Variants in KLF7 observed in about 807,000 individuals in gnomAD.
KLF7 encodes the protein KLF transcription factor 7.
KLF7 carries 2 observed loss-of-function variants against 27.3 expected under a neutral mutation model. The ratio of observed to expected loss-of-function variants is 0.07; its 90% confidence interval spans 0.03 to 0.23. The LOEUF (loss-of-function observed/expected upper bound fraction) is 0.23, where lower values mean the gene tolerates loss of function less well. Ranked by LOEUF, KLF7 falls within the 10% of genes least tolerant of loss-of-function variation. The probability of loss-of-function intolerance (pLI) is 1.00; values close to 1 mark genes in which losing one functional copy is unlikely to be tolerated. For missense variants in KLF7, 221 were observed against 394.1 expected, an observed-to-expected ratio of 0.56 and a Z score of 3.72; for synonymous variants, 165 against 162.4, an observed-to-expected ratio of 1.02 and a Z score of -0.12.
At chr2:207,161,210 G>A (rs899502467) in intron 1 of KLF7, among the ~76,000 whole-genome samples, 2 of 152,164 alleles carry the variant, frequency 1.3e-5, no homozygotes, top group African/African-American at 4.8e-5. Flanking sequence ...TTCATTTGTA[G>A]AGTTACATCT....
intron 1 of KLF7, among the ~76,000 whole-genome samples, chr2:207,164,454 G>GC (rs753945522): frequency 0.014 from 1,168 of 81,118 alleles, 17 homozygotes; most frequent in African/African-American, 0.051. Flanking sequence ...GTGTCCCCCC[G>GC]CCCCCACCCA....
chr2:207,161,980 G>A lies in KLF7; in HGVS notation c.102+3487C>T, dbSNP rs1380860361. The stretch of plus-strand genomic sequence containing the variant: ...TCCATAAGACTTTTCAAGCAAACAT[G>A]CGATGCTCCTCAATGACACGACGCA... On this transcript the variant is annotated intron_variant, in intron 1 of 3. Coordinates refer to ENST00000309446, the MANE Select transcript of KLF7 (RefSeq NM_003709.4). Among the ~76,000 whole-genome samples the A allele has an allele frequency of 2.6e-5, 4 of 152,124 alleles. No individual in the cohort carries two copies. In the East Asian group the frequency reaches 7.7e-4, roughly 29 times the overall value.
Position 207,124,141 on chromosome 2 carries a change from G to A in KLF7, c.366C>T (p.Tyr122=), listed in dbSNP as rs748488506. 2 of 1,614,220 alleles carry A rather than the reference G, an allele frequency of 1.2e-6. No individual in the cohort carries two copies. The highest frequency in any genetic ancestry group is 1.7e-6 in the Non-Finnish European group (2 of 1,180,038). The change falls in exon 2 of 4, where the codon TAC becomes TAT. Residue 122 remains tyrosine (Y), a synonymous_variant. Coordinates refer to ENST00000309446, the MANE Select transcript of KLF7 (RefSeq NM_003709.4). The stretch of plus-strand genomic sequence containing the variant: ...TGAGCTGGGCCTGGTTGACGGCTGT[G>A]TAGCTGTCTAGAGAAGAGCTGGCCG... ...LQPASSSLDS[Y]TAVNQAQLNA... is the part of the protein sequence containing the mutation.
At chr2:207,171,473 T>C (rs1042945858), upstream of KLF7, among the ~76,000 whole-genome samples, 1 of 152,204 alleles carries the variant, frequency 6.6e-6, no homozygotes, top group Non-Finnish European at 1.5e-5. Flanking sequence ...TTTGGTAACA[T>C]GCTATCAAAC....
chr2:207,143,394 T>C (rs2077998976), intron 1 of KLF7, among the ~76,000 whole-genome samples: 1 of 110,166 alleles, frequency 9.1e-6, no homozygotes, highest in Non-Finnish European at 1.9e-5. Context: ...AGAAATGACA[T>C]GAAAAAAAAA....
chr2:207,090,818 T>A (rs557732327), intron 2 of KLF7, among the ~76,000 whole-genome samples: 3 of 152,198 alleles, frequency 2.0e-5, no homozygotes, highest in African/African-American at 7.2e-5. Flanking sequence ...AGAGACATGT[T>A]AGCATCATGT....
intron 2 of KLF7, among the ~76,000 whole-genome samples, chr2:207,093,292 A>G (rs1021845051): frequency 1.3e-5 from 2 of 152,220 alleles, no homozygotes; most frequent in East Asian, 1.9e-4. Flanking sequence ...TCAGAAAAAA[A>G]GTCAAAAGCC....
At chr2:207,094,028 C>T (rs1422051527) in intron 2 of KLF7, among the ~76,000 whole-genome samples, 1 of 152,170 alleles carries the variant, frequency 6.6e-6, no homozygotes, top group Non-Finnish European at 1.5e-5. Context: ...GAGCAATATC[C>T]CCTCTGGGAA....
intron 2 of KLF7, among the ~76,000 whole-genome samples, chr2:207,092,432 C>A (rs2076532669): frequency 1.3e-5 from 2 of 152,212 alleles, no homozygotes; most frequent in Admixed American, 6.5e-5. Context: ...GAACCACTTT[C>A]TCTGTCTGGC....
At chr2:207,171,560 G>C (rs1310669561), upstream of KLF7, among the ~76,000 whole-genome samples, 3 of 152,130 alleles carry the variant, frequency 2.0e-5, no homozygotes, top group African/African-American at 4.8e-5. Flanking sequence ...CTTTTTCTAA[G>C]AAATTGCCAC....
In KLF7 at chr2:207,113,619, G is replaced by A. The variant is rs976399966; in HGVS notation, c.733+10155C>T. 1.1e-4 allele frequency among the ~76,000 whole-genome samples: 14 copies of A among 125,830 alleles called. 1 individual carries two copies. The highest frequency in any genetic ancestry group is 3.2e-4 in the Admixed American group (4 of 12,560). 82.5% of individuals were successfully genotyped at this position (125,830 alleles called of 152,430 possible). A position where few individuals can be genotyped will look rare whatever the true frequency, so the allele number is the denominator to read the frequency against. On this transcript the variant is annotated intron_variant, in intron 2 of 3. Transcript: ENST00000309446. Reference sequence around the variant, plus strand: ...GTGGAATGGGGGGTGGGGGGGGGGGGGAAATGATGCAGTTACCTAGCAACC... The same window carrying A: ...GTGGAATGGGGGGTGGGGGGGGGGGAGAAATGATGCAGTTACCTAGCAACC...
intron 2 of KLF7, among the ~76,000 whole-genome samples, chr2:207,116,547 C>A (rs1021301228): frequency 2.6e-5 from 4 of 152,176 alleles, no homozygotes; most frequent in African/African-American, 9.7e-5. Context: ...TCACTCTTTA[C>A]AAAGCTCCAC....
At position 207,074,434 on chromosome 2, in the gene KLF7, T is replaced by C. The variant is rs2076144732; in HGVS notation, c.*6779A>G. 6.6e-6 allele frequency: 1 copy of C among 152,224 alleles called. No homozygotes were observed. The highest frequency in any genetic ancestry group is 6.5e-5 in the Admixed American group (1 of 15,274). 9.4% of individuals were successfully genotyped at this position (152,224 alleles called of 1,614,324 possible). On this transcript the variant is annotated 3_prime_UTR_variant, in exon 4 of 4. Coordinates refer to ENST00000309446, the MANE Select transcript of KLF7 (RefSeq NM_003709.4). ...GTGTGTGGCAGAGATTTTAGTACTT[T>C]TCTTTTCAGTTCTGAGAATTTTCCC... is the stretch of plus-strand genomic sequence containing the variant.
intron 1 of KLF7, among the ~76,000 whole-genome samples, chr2:207,137,508 G>C (rs958263622): frequency 6.6e-6 from 1 of 152,160 alleles, no homozygotes; most frequent in East Asian, 1.9e-4. Context: ...TCTCTACTGA[G>C]AAGTGCTATT....
chr2:207,167,021 G>T, upstream of KLF7: 1 of 922,038 alleles, frequency 1.1e-6, no homozygotes, highest in Non-Finnish European at 1.4e-6. Flanking sequence ...GGCTAGAGTT[G>T]ATTGCAAGGG....
chr2:207,113,611 G>GGGT (rs1553526426), intron 2 of KLF7, among the ~76,000 whole-genome samples: 1 of 132,128 alleles, frequency 7.6e-6, no homozygotes, highest in Non-Finnish European at 1.7e-5. Context: ...GGGGGGTGGG[G>GGGT]GGGGGGGGGA....
chr2:207,104,787 G>T (rs1035167175), intron 2 of KLF7, among the ~76,000 whole-genome samples: 19 of 152,164 alleles, frequency 1.2e-4, no homozygotes, highest in African/African-American at 4.3e-4. Context: ...AATTAAAGTG[G>T]AATCAATGCT....
At chr2:207,088,210 A>C (rs1158323059) in intron 3 of KLF7, among the ~76,000 whole-genome samples, 1 of 152,142 alleles carries the variant, frequency 6.6e-6, no homozygotes, top group Non-Finnish European at 1.5e-5. Context: ...GATTAACACC[A>C]TTTCTGGCTC....
At chr2:207,114,770 C>A (rs1256348411) in intron 2 of KLF7, among the ~76,000 whole-genome samples, 1 of 152,212 alleles carries the variant, frequency 6.6e-6, no homozygotes, top group African/African-American at 2.4e-5. Context: ...CTAGGCAATA[C>A]TCTACCATGG....
Sources: allele counts gnomAD v4.1 joint callset (sites outside exome capture counted in the v4.1 genomes callset), GRCh38; gene constraint gnomAD v4.1.1; transcripts MANE v1.5; gene names NCBI Gene and HGNC (gene_info 2026-07-23, HGNC 2026-07-21).